The following CHI3L2 variants were observed in gnomAD, a reference collection of about 807,000 sequenced individuals.
The protein encoded by CHI3L2 is chitinase-3-like protein 2.
CHI3L2 carries 47 observed loss-of-function variants against 47.3 expected under a neutral mutation model. The observed-to-expected ratio is 0.99, with a 90% confidence interval of 0.79 to 1.27. The LOEUF (loss-of-function observed/expected upper bound fraction) is 1.27. Among genes scored for constraint, CHI3L2 ranks in the 50% most tolerant of loss-of-function variants. The pLI is 0.00. For synonymous variants in CHI3L2, 198 were observed against 169.9 expected, an observed-to-expected ratio of 1.17 and a Z score of -1.28; for missense variants, 497 against 462.1, an observed-to-expected ratio of 1.08 and a Z score of -0.69.
chr1:111,233,601 C>T lies in CHI3L2; in HGVS notation c.330-1306C>T, dbSNP rs564248056. Among the ~76,000 whole-genome samples the T allele has an allele frequency of 1.8e-3, 274 of 152,176 alleles. 2 individuals are homozygous for T. Among genetic ancestry groups the T allele is most frequent in the African/African-American group, 6.1e-3 (254 of 41,526 alleles). On this transcript the variant is annotated intron_variant, in intron 4 of 10. Transcript: ENST00000369748. ...CAGCACCCCGCCCGGCCAGCCGCCC[C>T]GTCCGGGAGGTGAGGGGCGCCTCTG...
intron 8 of CHI3L2, chr1:111,239,421 A>G (rs914724597): frequency 6.5e-6 from 1 of 152,754 alleles, no homozygotes; most frequent in African/African-American, 2.4e-5. Flanking sequence ...CTAGAGAGGT[A>G]GATTCAAAAC....
chr1:111,231,208 A>C (rs2147789), intron 3 of CHI3L2, 30 bp from the exon 4 acceptor site: 4 of 1,566,774 alleles, frequency 2.6e-6, no homozygotes, highest in Non-Finnish European at 3.5e-6. Context: ...CAGCCAGAAA[A>C]TAAATAATCA....
intron 10 of CHI3L2, chr1:111,242,605 G>C: frequency 2.9e-6 from 1 of 346,942 alleles, no homozygotes; most frequent in Non-Finnish European, 5.1e-6. Flanking sequence ...AGCATAGTAT[G>C]AGCTAAAGAC....
intron 10 of CHI3L2, among the ~76,000 whole-genome samples, chr1:111,242,845 C>T (rs3934923): frequency 0.27 from 41,738 of 152,082 alleles, 6,166 homozygotes; most frequent in Non-Finnish European, 0.34. Flanking sequence ...ATTATTGCTA[C>T]GCCTTTACCC....
At chr1:111,233,505 A>G (rs1659785997) in intron 4 of CHI3L2, among the ~76,000 whole-genome samples, 1 of 152,188 alleles carries the variant, frequency 6.6e-6, no homozygotes, top group Admixed American at 6.5e-5. Context: ...CCACATTGCA[A>G]ACTGCTTTTC....
In CHI3L2 at chr1:111,228,623, A is replaced by G. The variant is rs552136161; in HGVS notation, c.40+854A>G. On this transcript the variant is annotated intron_variant, in intron 1 of 10. Coordinates refer to ENST00000369748, the MANE Select transcript of CHI3L2 (RefSeq NM_004000.3). ...GAACCAGGGCCTAACCTCCCTGCCT[A>G]AAAAAACATGTGAGTCATCAAGAGA... Among the ~76,000 whole-genome samples, 27 of 152,314 alleles carry G rather than the reference A, an allele frequency of 1.8e-4. No homozygotes were observed. The South Asian group carries it at 2.3e-3, about 13-fold the overall frequency.
At chr1:111,236,230 C>T in intron 7 of CHI3L2, 77 bp downstream of exon 7, 1 of 1,500,372 alleles carries the variant, frequency 6.7e-7, no homozygotes, top group Non-Finnish European at 9.1e-7. Context: ...TCTAGAGTTA[C>T]TTCTGTCTTG....
At chr1:111,231,775 A>T (rs1429901062) in intron 4 of CHI3L2, among the ~76,000 whole-genome samples, 1 of 152,212 alleles carries the variant, frequency 6.6e-6, no homozygotes, top group Admixed American at 6.5e-5. Flanking sequence ...CCTCAGCACC[A>T]TCAGAGCAGC....
intron 6 of CHI3L2, 45 bp downstream of exon 6, chr1:111,235,808 G>T (rs1487298865): frequency 3.7e-6 from 6 of 1,605,936 alleles, no homozygotes; most frequent in East Asian, 2.2e-5. Flanking sequence ...TTCCAATTTG[G>T]TCCATGCAAA....
In CHI3L2 at chr1:111,235,734, T is replaced by C. The variant is rs769682705; in HGVS notation, c.576T>C (p.Asp192=). The C allele has an allele frequency of 4.3e-6, 7 of 1,613,946 alleles. No homozygotes were observed. The highest frequency in any genetic ancestry group is 5.9e-6 in the Non-Finnish European group (7 of 1,179,974). The change falls in exon 6 of 11, where the codon GAT becomes GAC. Residue 192 remains aspartate (D), a synonymous_variant. Transcript: ENST00000369748. ...AGVSAGRQMI[D]NSYQVEKLAK... ...TATCTGCAGGGAGGCAAATGATTGA[T>C]AACAGCTATCAAGTTGAGAAACTGG...
chr1:111,230,860 C>G lies in CHI3L2; in HGVS notation c.189C>G (p.Phe63Leu), dbSNP rs201031221. The G allele has an allele frequency of 6.2e-7, 1 of 1,614,058 alleles. No individual in the cohort carries two copies. Among genetic ancestry groups the G allele is most frequent in the Admixed American group, 1.7e-5 (1 of 60,014 alleles). ...TATGCTCTCATCTCATCTATTCATT[C>G]GCCAGCATCGAAAACAACAAGGTTA... ...PFLCSHLIYS[F>L]ASIENNKVII... The change falls in exon 3 of 11, where the codon TTC (phenylalanine) becomes TTG (leucine). Residue 63 changes from phenylalanine to leucine, a missense_variant. Transcript: ENST00000369748.
chr1:111,231,341 G>C, intron 4 of CHI3L2, 47 bp downstream of exon 4: 1 of 1,397,978 alleles, frequency 7.2e-7, no homozygotes, highest in South Asian at 1.2e-5. Context: ...TGTAATTTTT[G>C]ATCATCATCA....
chr1:111,231,052 T>C, intron 3 of CHI3L2, 109 bp downstream of exon 3: 1 of 1,016,826 alleles, frequency 9.8e-7, no homozygotes, highest in South Asian at 1.4e-5. Flanking sequence ...TTCCTATATA[T>C]TTCTCTGGGT....
rs1660117273 is a variant in CHI3L2, at chr1:111,243,322, C to T, written c.*108C>T. 2.2e-6 allele frequency: 1 copy of T among 450,876 alleles called. No homozygotes were observed. Among genetic ancestry groups the T allele is most frequent in the African/African-American group, 2.0e-5 (1 of 49,948 alleles). 27.9% of individuals were successfully genotyped at this position (450,876 alleles called of 1,614,324 possible). A position where few individuals can be genotyped will look rare whatever the true frequency, so the allele number is the denominator to read the frequency against. ...CCTTGCCAGGCTGGCCTTTGGATCT[C>T]TCTTCCAAGCCTTTCCTGACTTCCT... On this transcript the variant is annotated 3_prime_UTR_variant, in exon 11 of 11. Coordinates refer to ENST00000369748, the MANE Select transcript of CHI3L2 (RefSeq NM_004000.3).
intron 8 of CHI3L2, among the ~76,000 whole-genome samples, chr1:111,239,905 G>GA (rs975751040): frequency 6.6e-6 from 1 of 152,170 alleles, no homozygotes; most frequent in Non-Finnish European, 1.5e-5. Flanking sequence ...TGTCAAGGTG[G>GA]AAAGAATGTG....
intron 7 of CHI3L2, among the ~76,000 whole-genome samples, chr1:111,238,208 C>T (rs565838224): frequency 1.6e-4 from 24 of 152,306 alleles, no homozygotes; most frequent in African/African-American, 4.6e-4. Context: ...ACCTGACCAC[C>T]TTGGGCACAT....
chr1:111,241,573 T>C, intron 9 of CHI3L2, 130 bp downstream of exon 9: 1 of 623,082 alleles, frequency 1.6e-6, no homozygotes, highest in South Asian at 1.9e-5. Context: ...CAGCAGCCTT[T>C]ATAGCTCAAG....
At position 111,236,153 on chromosome 1, in the gene CHI3L2, G is replaced by A. The variant is rs373035324; in HGVS notation, c.735G>A (p.Val245=). The part of the protein sequence containing the change: ...QDRGPSSYYN[V]EYAVGYWIHK... The stretch of plus-strand genomic sequence containing the variant: ...GAGGGCCAAGCTCCTACTACAATGT[G>A]GTGAGTAGGCCAGGGGAACCGCAGG... Residue 245 remains valine, a splice_region_variant and synonymous_variant, in exon 7 of 11, where the codon GTG becomes GTA. Transcript: ENST00000369748. The A allele has an allele frequency of 9.3e-6, 15 of 1,614,004 alleles. No homozygotes were observed. The African/African-American group carries it at 1.6e-4, about 17-fold the overall frequency.
intron 4 of CHI3L2, among the ~76,000 whole-genome samples, chr1:111,233,391 G>A (rs1223840174): frequency 6.6e-6 from 1 of 152,192 alleles, no homozygotes; most frequent in Non-Finnish European, 1.5e-5. Context: ...CAATTTAGAG[G>A]TGGCCAGACT....
Sources: allele counts gnomAD v4.1 joint callset (sites outside exome capture counted in the v4.1 genomes callset), GRCh38; gene constraint gnomAD v4.1.1; transcripts MANE v1.5; gene names NCBI Gene and HGNC (gene_info 2026-07-23, HGNC 2026-07-21).